The following MLLT10 variants were observed in gnomAD, a reference collection of about 807,000 sequenced individuals.
MLLT10 encodes MLLT10 histone lysine methyltransferase DOT1L cofactor, also known as protein AF-10.
A neutral mutation model predicts 129.1 loss-of-function variants in MLLT10; 30 were observed. That is an observed-to-expected ratio of 0.23 (90% confidence interval 0.17 to 0.32). The LOEUF (loss-of-function observed/expected upper bound fraction) is 0.32. MLLT10 is among the 10% of genes least tolerant of loss of function. MLLT10 has a pLI of 1.00. For missense variants in MLLT10, 1,119 were observed against 1,268.3 expected, an observed-to-expected ratio of 0.88 and a Z score of 1.79; for synonymous variants, 490 against 446.4, an observed-to-expected ratio of 1.10 and a Z score of -1.23.
chr10:21,640,353 C>G (rs1430109594), intron 8 of MLLT10, among the ~76,000 whole-genome samples: 1 of 145,200 alleles, frequency 6.9e-6, no homozygotes, highest in Non-Finnish European at 1.5e-5. Context: ...TATATACACA[C>G]ACATATATGT....
chr10:21,547,173 T>G (rs1458094474), intron 3 of MLLT10, among the ~76,000 whole-genome samples: 1 of 152,006 alleles, frequency 6.6e-6, no homozygotes, highest in African/African-American at 2.4e-5. Context: ...CCTGACCCCT[T>G]CATTCTTTTA....
chr10:21,626,754 A>G (rs182343774), intron 8 of MLLT10, among the ~76,000 whole-genome samples: 1 of 152,050 alleles, frequency 6.6e-6, no homozygotes, highest in Non-Finnish European at 1.5e-5. Context: ...TGTCTTTGTA[A>G]AAGTTTTCTA....
intron 3 of MLLT10, among the ~76,000 whole-genome samples, chr10:21,582,346 C>T (rs1048380979): frequency 2.6e-5 from 4 of 152,120 alleles, no homozygotes; most frequent in Admixed American, 2.6e-4. Flanking sequence ...TCTCGAACTC[C>T]TGACCTCAGG....
rs146332580 is a variant in MLLT10 at position 21,673,651 on chromosome 10, G to A, written c.1353G>A (p.Lys451=). 5.0e-6 allele frequency: 8 copies of A among 1,614,056 alleles called. No homozygotes were observed. Among genetic ancestry groups the A allele is most frequent in the African/African-American group, 1.3e-5 (1 of 75,016 alleles). The change falls in exon 11 of 23, where the codon AAG becomes AAA. Residue 451 remains lysine, a synonymous_variant. Coordinates refer to ENST00000307729, the MANE Select transcript of MLLT10 (RefSeq NM_001195626.3). Reference sequence around the variant, plus strand: ...CCAGCCTTCCTACAGCAGGATATAAGCGGGCTCAAACTTCTGGCATAGAAG... The same window carrying A: ...CCAGCCTTCCTACAGCAGGATATAAACGGGCTCAAACTTCTGGCATAGAAG... ...GNSSLPTAGY[K]RAQTSGIEEE...
intron 17 of MLLT10, 34 bp downstream of exon 17, chr10:21,731,088 CAGAT>C (rs1317450907): frequency 6.4e-7 from 1 of 1,560,448 alleles, no homozygotes; most frequent in African/African-American, 1.4e-5. Flanking sequence ...TGAATCAAGA[CAGAT>C]GGGCAGATGG....
chr10:21,552,040 C>T (rs1383206506), intron 3 of MLLT10: 1 of 229,438 alleles, frequency 4.4e-6, no homozygotes, highest in Non-Finnish European at 8.8e-6. Flanking sequence ...CATCCTCCCA[C>T]CTCAACCTCT....
At chr10:21,592,596 A>G (rs1372010833) in intron 4 of MLLT10, among the ~76,000 whole-genome samples, 1 of 152,138 alleles carries the variant, frequency 6.6e-6, no homozygotes, top group Non-Finnish European at 1.5e-5. Context: ...AGCTGGGACT[A>G]CAGGCGCCTG....
chr10:21,564,365 C>T (rs2039269772), intron 3 of MLLT10: 1 of 152,112 alleles, frequency 6.6e-6, no homozygotes, highest in Non-Finnish European at 1.5e-5. Flanking sequence ...GCTGGGATTA[C>T]AGGCCACTAC....
chr10:21,724,539 T>C (rs1014949505), intron 14 of MLLT10, among the ~76,000 whole-genome samples: 7 of 152,270 alleles, frequency 4.6e-5, no homozygotes, highest in African/African-American at 1.4e-4. Context: ...AGTTTTGTTC[T>C]GAAATAACTG....
chr10:21,626,126 C>T (rs767992823), intron 8 of MLLT10: 8 of 1,610,178 alleles, frequency 5.0e-6, no homozygotes, highest in Non-Finnish European at 6.8e-6. Context: ...CTCTCTCTGC[C>T]TGTAGGTCTT....
chr10:21,559,531 G>A (rs1234880674), intron 3 of MLLT10, among the ~76,000 whole-genome samples: 2 of 152,178 alleles, frequency 1.3e-5, no homozygotes, highest in African/African-American at 4.8e-5. Flanking sequence ...GTGGCATTAA[G>A]TACATTCACA....
intron 13 of MLLT10, among the ~76,000 whole-genome samples, chr10:21,711,803 G>T (rs1470698305): frequency 6.6e-6 from 1 of 152,124 alleles, no homozygotes; most frequent in African/African-American, 2.4e-5. Flanking sequence ...ATCTCTTCCA[G>T]TAAGTTTTTT....
At position 21,730,347 on chromosome 10, in the gene MLLT10, CTTAA is replaced by C. The variant is rs563329253; in HGVS notation, c.2064-550_2064-547del. ...AAAAAAAATTGCTTTGATCTTATTT[CTTAA>C]TTGTGAAAATACTTGAAAATGAGTA... On this transcript the variant is annotated intron_variant, in intron 16 of 22. Transcript: ENST00000307729. 2.6e-4 allele frequency among the ~76,000 whole-genome samples: 38 copies of C among 145,354 alleles called. No homozygotes were observed. The East Asian group carries it at 6.0e-3, about 23-fold the overall frequency.
intron 3 of MLLT10, among the ~76,000 whole-genome samples, chr10:21,554,611 G>T (rs993834915): frequency 2.6e-5 from 4 of 151,050 alleles, no homozygotes; most frequent in Non-Finnish European, 5.9e-5. Context: ...GCACCACCAC[G>T]CCCGGCTAAT....
chr10:21,671,165 C>T (rs1006270867), intron 10 of MLLT10, among the ~76,000 whole-genome samples: 1 of 152,042 alleles, frequency 6.6e-6, no homozygotes, highest in African/African-American at 2.4e-5. Flanking sequence ...ATTACAGGTG[C>T]ATGCCACCAT....
intron 3 of MLLT10, among the ~76,000 whole-genome samples, chr10:21,565,569 A>G (rs2039442949): frequency 6.7e-6 from 1 of 148,306 alleles, no homozygotes; most frequent in Non-Finnish European, 1.5e-5. Context: ...GGCCTCCCAA[A>G]GTGCTGGGAT....
At chr10:21,726,429 TTTA>T in intron 15 of MLLT10, 74 bp downstream of exon 15, 1 of 1,066,592 alleles carries the variant, frequency 9.4e-7, no homozygotes, top group Non-Finnish European at 1.4e-6. Flanking sequence ...TTTGGTTCAT[TTTA>T]TTTGAAAACA....
At chr10:21,601,262 G>A (rs578196145) in intron 5 of MLLT10, among the ~76,000 whole-genome samples, 1 of 151,998 alleles carries the variant, frequency 6.6e-6, no homozygotes, top group Non-Finnish European at 1.5e-5. Context: ...TGTCTTTTGT[G>A]CTTGTCAACT....
At chr10:21,722,281 C>G (rs2057188289) in intron 14 of MLLT10, among the ~76,000 whole-genome samples, 1 of 152,156 alleles carries the variant, frequency 6.6e-6, no homozygotes, top group Admixed American at 6.5e-5. Context: ...AATAGCCGTT[C>G]TCCTTACCTG....
Sources: allele counts gnomAD v4.1 joint callset (sites outside exome capture counted in the v4.1 genomes callset), GRCh38; gene constraint gnomAD v4.1.1; transcripts MANE v1.5; gene names NCBI Gene and HGNC (gene_info 2026-07-23, HGNC 2026-07-21).